Variants in FOXP1 observed in about 807,000 individuals in gnomAD.
FOXP1 encodes forkhead box P1, also known as forkhead box protein P1.
Under a neutral mutation model 98.2 loss-of-function variants are expected in FOXP1, and 15 were observed. That is an observed-to-expected ratio of 0.15 (90% CI 0.10 to 0.24). The LOEUF (loss-of-function observed/expected upper bound fraction) is 0.24. Ranked by LOEUF, FOXP1 falls within the 10% of genes least tolerant of loss-of-function variation. The probability of loss-of-function intolerance (pLI) is 1.00; values close to 1 mark genes in which losing one functional copy is unlikely to be tolerated. For synonymous variants in FOXP1, 371 were observed against 314.5 expected, an observed-to-expected ratio of 1.18 and a Z score of -1.90; for missense variants, 633 against 848.5, an observed-to-expected ratio of 0.75 and a Z score of 3.15.
intron 6 of FOXP1, among the ~76,000 whole-genome samples, chr3:71,142,314 C>G (rs1405225249): frequency 6.6e-6 from 1 of 152,186 alleles, no homozygotes. Flanking sequence ...GTATAACACA[C>G]CCCTTCCCAG....
intron 5 of FOXP1, among the ~76,000 whole-genome samples, chr3:71,261,643 T>C (rs1166767407): frequency 6.6e-6 from 1 of 152,182 alleles, no homozygotes; most frequent in Non-Finnish European, 1.5e-5. Context: ...GCTGTGTTAC[T>C]GAGAAATAAT....
intron 3 of FOXP1, among the ~76,000 whole-genome samples, chr3:71,416,114 G>A (rs970607236): frequency 6.6e-6 from 1 of 152,158 alleles, no homozygotes. Flanking sequence ...TTACATTCTT[G>A]TCTTTTGGAG....
At chr3:71,350,839 C>A (rs919845683) in intron 4 of FOXP1, among the ~76,000 whole-genome samples, 2 of 152,148 alleles carry the variant, frequency 1.3e-5, no homozygotes, top group African/African-American at 4.8e-5. Flanking sequence ...GTTCTGTCTC[C>A]TTCTGAAACC....
chr3:71,373,167 T>C (rs1478181644), intron 3 of FOXP1, among the ~76,000 whole-genome samples: 1 of 152,230 alleles, frequency 6.6e-6, no homozygotes, highest in African/African-American at 2.4e-5. Flanking sequence ...GGACAAAGCC[T>C]TTTAAGATAG....
chr3:71,441,946 A>ATCTC (rs1560493299), intron 3 of FOXP1, among the ~76,000 whole-genome samples: 2 of 152,180 alleles, frequency 1.3e-5, no homozygotes, highest in African/African-American at 4.8e-5. Context: ...CACATAATAA[A>ATCTC]TCTCTGTTCT....
At chr3:71,096,385 G>C (rs1383646656) in intron 7 of FOXP1, among the ~76,000 whole-genome samples, 1 of 152,112 alleles carries the variant, frequency 6.6e-6, no homozygotes, top group East Asian at 1.9e-4. Context: ...GCCTAACTGT[G>C]AGTTTTAAAA....
intron 1 of FOXP1, among the ~76,000 whole-genome samples, chr3:71,583,311 GC>G (rs951397263): frequency 6.6e-5 from 10 of 152,064 alleles, no homozygotes; most frequent in Admixed American, 4.6e-4. Flanking sequence ...CCCTCCACCC[GC>G]GCGCCGGCCC....
At chr3:71,184,833 GA>G (rs2062550726) in intron 6 of FOXP1, among the ~76,000 whole-genome samples, 4 of 151,876 alleles carry the variant, frequency 2.6e-5, no homozygotes, top group South Asian at 2.1e-4. Context: ...ACTTTTCAGG[GA>G]AAAAGTTATT....
chr3:71,347,429 C>T (rs1237916041), intron 4 of FOXP1, among the ~76,000 whole-genome samples: 9 of 152,166 alleles, frequency 5.9e-5, no homozygotes, highest in Non-Finnish European at 1.2e-4. Context: ...TCTGCCTCTA[C>T]CATCAATATC....
chr3:71,054,154 T>C (rs901854368), intron 7 of FOXP1, among the ~76,000 whole-genome samples: 2 of 152,182 alleles, frequency 1.3e-5, no homozygotes, highest in Admixed American at 6.5e-5. Flanking sequence ...AGACAAATGG[T>C]AACCAGCACC....
intron 6 of FOXP1, among the ~76,000 whole-genome samples, chr3:71,117,638 T>C (rs2058468463): frequency 6.6e-6 from 1 of 152,044 alleles, no homozygotes; most frequent in Non-Finnish European, 1.5e-5. Flanking sequence ...AATGAAAGAA[T>C]TTCTCTTTTA....
intron 4 of FOXP1, among the ~76,000 whole-genome samples, chr3:71,355,427 T>C (rs2078088324): frequency 6.6e-6 from 1 of 152,168 alleles, no homozygotes; most frequent in Non-Finnish European, 1.5e-5. Flanking sequence ...GGCTGTCCCC[T>C]TTCACGTAGG....
In FOXP1 at chr3:71,047,107, C is replaced by T. The variant is rs752196991; in HGVS notation, c.511-12G>A. The stretch of plus-strand genomic sequence containing the variant: ...GCCACCTGCTGTTGCTGTAAGAAAT[C>T]AGGAAGAAAAAATGAGATGGCCACT... On this transcript the variant is annotated splice_polypyrimidine_tract_variant and intron_variant, in intron 9 of 20. Coordinates refer to ENST00000649528, the MANE Select transcript of FOXP1 (RefSeq NM_001349338.3). The T allele has an allele frequency of 5.0e-6, 8 of 1,613,792 alleles. No homozygotes were observed. Among genetic ancestry groups the T allele is most frequent in the Middle Eastern group, 1.7e-4 (1 of 6,058 alleles).
At chr3:71,568,895 C>T (rs2107788681) in intron 2 of FOXP1, among the ~76,000 whole-genome samples, 1 of 152,324 alleles carries the variant, frequency 6.6e-6, no homozygotes, top group South Asian at 2.1e-4. Flanking sequence ...GATCCACCCG[C>T]CTTGGCCTGC....
chr3:70,987,617 C>T (rs913146671), intron 14 of FOXP1, among the ~76,000 whole-genome samples: 1 of 152,198 alleles, frequency 6.6e-6, no homozygotes, highest in East Asian at 1.9e-4. Flanking sequence ...AGCTGAAATG[C>T]CTCTTTGCTT....
rs1481506005 is a variant in FOXP1 at position 71,493,156 on chromosome 3, G to A, written c.-168+270C>T. 2.0e-5 allele frequency among the ~76,000 whole-genome samples: 3 copies of A among 152,086 alleles called. No individual in the cohort carries two copies. In the East Asian group the frequency reaches 5.8e-4, roughly 29 times the overall value. On this transcript the variant is annotated intron_variant, in intron 3 of 20. Transcript: ENST00000649528. ...AAAAAACAATTACTCATTCAACGTT[G>A]CACATGGACCAAAACTGAGATAGTC...
intron 3 of FOXP1, among the ~76,000 whole-genome samples, chr3:71,474,948 GT>G (rs1318782384): frequency 6.6e-6 from 1 of 152,054 alleles, no homozygotes; most frequent in East Asian, 1.9e-4. Context: ...AACTGCTGTA[GT>G]TTACAGGCCC....
chr3:71,135,164 C>T (rs1465234955), intron 6 of FOXP1, among the ~76,000 whole-genome samples: 1 of 145,956 alleles, frequency 6.9e-6, no homozygotes, highest in African/African-American at 2.6e-5. Flanking sequence ...GAGGCTAAGG[C>T]AGGAGAATTG....
At position 71,467,858 on chromosome 3, in the gene FOXP1, A is replaced by C. The variant is rs560976277; in HGVS notation, c.-168+25568T>G. On this transcript the variant is annotated intron_variant, in intron 3 of 20. Transcript: ENST00000649528. ...ATGAACGCACTTCTACCAAATTTCC[A>C]GATGATGCTGATGCTGCAGTACAGG... is the stretch of plus-strand genomic sequence containing the variant. 1.2e-3 allele frequency among the ~76,000 whole-genome samples: 187 copies of C among 152,312 alleles called. 1 individual carries two copies. The highest frequency in any genetic ancestry group is 4.4e-3 in the African/African-American group (181 of 41,560).
Sources: allele counts gnomAD v4.1 joint callset (sites outside exome capture counted in the v4.1 genomes callset), GRCh38; gene constraint gnomAD v4.1.1; transcripts MANE v1.5; gene names NCBI Gene and HGNC (gene_info 2026-07-23, HGNC 2026-07-21).